ANKS1A: variants seen among roughly 807,000 people sequenced by gnomAD.
ANKS1A encodes the protein ankyrin repeat and sterile alpha motif domain containing 1A, also known as ankyrin repeat and SAM domain-containing protein 1A.
A neutral mutation model predicts 120.3 loss-of-function variants in ANKS1A; 55 were observed. The ratio of observed to expected loss-of-function variants is 0.46; its 90% CI spans 0.37 to 0.57. ANKS1A has a LOEUF of 0.57. ANKS1A is among the 20% of genes least tolerant of loss of function. The probability of loss-of-function intolerance (pLI) is 0.00; values close to 1 mark genes in which losing one functional copy is unlikely to be tolerated. For missense variants in ANKS1A, 1,123 were observed against 1,480.3 expected (o/e 0.76, Z 3.96); for synonymous variants, 590 against 604.7 (o/e 0.98, Z 0.36).
chr6:34,964,186 C>G (rs1770784010), intron 1 of ANKS1A, among the ~76,000 whole-genome samples: 1 of 152,038 alleles, frequency 6.6e-6, no homozygotes, highest in Non-Finnish European at 1.5e-5. Flanking sequence ...GGCTTGTCAC[C>G]CATATACAGC....
chr6:35,094,348 A>T (rs2127623731), downstream of ANKS1A, among the ~76,000 whole-genome samples: 1 of 152,042 alleles, frequency 6.6e-6, no homozygotes, highest in East Asian at 1.9e-4. Context: ...CTGAGGCAGG[A>T]GAATGGCTTG....
At chr6:35,046,390 A>G (rs1482568438) in intron 11 of ANKS1A, among the ~76,000 whole-genome samples, 1 of 152,212 alleles carries the variant, frequency 6.6e-6, no homozygotes, top group African/African-American at 2.4e-5. Context: ...GCTTATTAGC[A>G]TGTTGAACAG....
At chr6:35,095,165 T>C (rs868855683), downstream of ANKS1A, among the ~76,000 whole-genome samples, 7 of 123,792 alleles carry the variant, frequency 5.7e-5, no homozygotes, top group African/African-American at 2.0e-4. Context: ...AAAAAAGCAC[T>C]GAAAAAAATA....
rs1027468858 is a variant in ANKS1A at position 34,985,062 on chromosome 6, G to A, written c.1013-20G>A. On this transcript the variant is annotated intron_variant, in intron 7 of 23. Transcript: ENST00000360359. ...TCTGCTCCCCTTCAGTGACTCTCTT[G>A]CCCTCCATCCTCCTCTCAGGTGACG... is the stretch of plus-strand genomic sequence containing the variant. 1.9e-6 allele frequency: 3 copies of A among 1,603,978 alleles called. No individual in the cohort carries two copies. Among genetic ancestry groups the A allele is most frequent in the African/African-American group, 1.3e-5 (1 of 74,750 alleles).
At chr6:34,955,419 G>A (rs1039850874) in intron 1 of ANKS1A, among the ~76,000 whole-genome samples, 1 of 152,178 alleles carries the variant, frequency 6.6e-6, no homozygotes, top group Non-Finnish European at 1.5e-5. Flanking sequence ...TTACAGGCGT[G>A]AGCCACCACG....
chr6:35,051,312 C>A lies in ANKS1A; in HGVS notation c.2011-2787C>A, dbSNP rs551608278. On this transcript the variant is annotated intron_variant, in intron 11 of 23. Transcript: ENST00000360359. ...AGAGCGGAGAAGCAGCGAGGGTGCT[C>A]AACTCTGTTCACTCTGATGCCAAAA... Among the ~76,000 whole-genome samples, 6 of 152,328 alleles carry A rather than the reference C, an allele frequency of 3.9e-5. No homozygotes were observed. In the East Asian group the frequency reaches 1.2e-3, roughly 29 times the overall value.
intron 11 of ANKS1A, chr6:35,039,488 C>T (rs1366355627): frequency 1.4e-5 from 6 of 436,552 alleles, no homozygotes; most frequent in African/African-American, 2.0e-5. Flanking sequence ...TGAGCCATCA[C>T]GCCCAGTCCA....
intron 12 of ANKS1A, among the ~76,000 whole-genome samples, chr6:35,059,690 C>T (rs938943156): frequency 3.9e-5 from 6 of 152,198 alleles, no homozygotes; most frequent in South Asian, 2.1e-4. Flanking sequence ...CCAGAAGTTG[C>T]ATGGATGAGA....
At chr6:35,027,626 C>T (rs752598709) in intron 11 of ANKS1A, among the ~76,000 whole-genome samples, 2 of 152,136 alleles carry the variant, frequency 1.3e-5, no homozygotes, top group Non-Finnish European at 2.9e-5. Context: ...ATTTGCACTT[C>T]CTTTGAAATG....
chr6:34,899,813 T>C (rs1431298895), intron 1 of ANKS1A, among the ~76,000 whole-genome samples: 1 of 152,248 alleles, frequency 6.6e-6, no homozygotes, highest in African/African-American at 2.4e-5. Context: ...TCCAGCCTGG[T>C]GGAGTCTGTG....
rs764333663 is a variant in ANKS1A, at chr6:35,082,824, G to A, written c.2835+8G>A. 5.0e-6 allele frequency: 8 copies of A among 1,609,904 alleles called. 1 individual carries two copies. The South Asian group carries it at 8.9e-5, about 18-fold the overall frequency. ...TGTGGTTATGAAGCCAATGTGAGTT[G>A]CTCCCACCCTCCCAGCAGGGCCGGC... is the stretch of plus-strand genomic sequence containing the variant. On this transcript the variant is annotated splice_region_variant and intron_variant, in intron 18 of 23. Transcript: ENST00000360359. The surrounding 1 kb of genome is among the most constrained non-coding windows in gnomAD (Gnocchi z 4.1).
chr6:34,968,128 G>GA (rs979515707), intron 2 of ANKS1A, among the ~76,000 whole-genome samples: 2 of 151,942 alleles, frequency 1.3e-5, no homozygotes, highest in Admixed American at 6.6e-5. Flanking sequence ...TTTTTAAGGG[G>GA]AAAAAAATAC....
chr6:35,026,013 T>C (rs569302185), intron 11 of ANKS1A, among the ~76,000 whole-genome samples: 1 of 152,326 alleles, frequency 6.6e-6, no homozygotes, highest in South Asian at 2.1e-4. Flanking sequence ...TTTCTCCCTT[T>C]TTTGTTATGT....
chr6:34,975,052 G>T (rs1482314479), intron 3 of ANKS1A, among the ~76,000 whole-genome samples: 1 of 152,090 alleles, frequency 6.6e-6, no homozygotes, highest in Non-Finnish European at 1.5e-5. Flanking sequence ...CTTTAATTTT[G>T]CACATATAAA....
intron 11 of ANKS1A, among the ~76,000 whole-genome samples, chr6:35,042,455 C>T (rs1262319919): frequency 6.6e-6 from 1 of 152,196 alleles, no homozygotes; most frequent in Non-Finnish European, 1.5e-5. Context: ...TCTGTTTTTC[C>T]ACTGGGTGTT....
chr6:34,982,016 C>T lies in ANKS1A; in HGVS notation c.732+30C>T. 2 of 1,606,408 alleles carry T rather than the reference C, an allele frequency of 1.2e-6. No homozygotes were observed. The highest frequency in any genetic ancestry group is 1.7e-6 in the Non-Finnish European group (2 of 1,175,670). On this transcript the variant is annotated intron_variant, in intron 4 of 23. Transcript: ENST00000360359. This position sits in a 1 kb window ranked among gnomAD's most constrained non-coding sequence, Gnocchi z 4.9. ...CAGGGCGGGTGGGGGCTCCTCCAAT[C>T]TCAAGAGACTCAGTCATTTTGCAGA...
chr6:35,082,795 G>A lies in ANKS1A; in HGVS notation c.2814G>A (p.Glu938=), dbSNP rs770021172. Residue 938 remains glutamate (E), a synonymous_variant, in exon 18 of 24, where the codon GAG becomes GAA. Transcript: ENST00000360359. This position sits in a 1 kb window ranked among gnomAD's most constrained non-coding sequence, Gnocchi z 4.1. ...ACCAGCCAGAGAAACTCATCTTCGA[G>A]TCCTGTGGTTATGAAGCCAATGTGA... is the stretch of plus-strand genomic sequence containing the variant. ...WQHQPEKLIF[E]SCGYEANYLG... The A allele has an allele frequency of 6.2e-7, 1 of 1,613,944 alleles. No individual in the cohort carries two copies. Among genetic ancestry groups the A allele is most frequent in the South Asian group, 1.1e-5 (1 of 91,068 alleles).
chr6:34,896,729 C>T (rs1767105459), intron 1 of ANKS1A, among the ~76,000 whole-genome samples: 1 of 152,160 alleles, frequency 6.6e-6, no homozygotes, highest in Non-Finnish European at 1.5e-5. Context: ...CTTTGGGAGG[C>T]TGAGGCGGGT....
intron 1 of ANKS1A, among the ~76,000 whole-genome samples, chr6:34,916,863 T>G (rs928574240): frequency 1.3e-5 from 2 of 152,208 alleles, no homozygotes; most frequent in Non-Finnish European, 2.9e-5. Context: ...GGTCTGTCAC[T>G]CAGCATTTGT....
Sources: allele counts gnomAD v4.1 joint callset (sites outside exome capture counted in the v4.1 genomes callset), GRCh38; gene constraint gnomAD v4.1.1; non-coding constraint Gnocchi (gnomAD v3.1); transcripts MANE v1.5; gene names NCBI Gene and HGNC (gene_info 2026-07-23, HGNC 2026-07-21).